The following PHACTR2 variants were observed in gnomAD, a reference collection of about 807,000 sequenced individuals.
PHACTR2 encodes the protein phosphatase and actin regulator 2.
In PHACTR2, 30 loss-of-function variants were observed where a neutral mutation model predicts 76.0. That is an observed-to-expected ratio of 0.39 (90% confidence interval 0.30 to 0.54). PHACTR2 has a LOEUF of 0.54. Among genes scored for constraint, PHACTR2 ranks in the 20% least tolerant of loss-of-function variants. The probability of loss-of-function intolerance (pLI) is 0.61; values close to 1 mark genes in which losing one functional copy is unlikely to be tolerated. For missense variants in PHACTR2, 696 were observed against 781.1 expected (o/e 0.89, Z 1.30); for synonymous variants, 292 against 292.5 (o/e 1.00, Z 0.02).
chr6:143,778,919 C>A (rs373922912), intron 9 of PHACTR2, among the ~76,000 whole-genome samples: 2 of 152,182 alleles, frequency 1.3e-5, no homozygotes, highest in African/African-American at 4.8e-5. Context: ...GCGTGTTGAT[C>A]TTAAGTGCTG....
chr6:143,711,028 G>GT (rs771938785), intron 1 of PHACTR2: 4 of 516,750 alleles, frequency 7.7e-6, no homozygotes, highest in Non-Finnish European at 1.2e-5. Flanking sequence ...TCAGTTTACG[G>GT]TTTTTTAAAG....
At position 143,562,381 on chromosome 6, in the gene PHACTR2, G is replaced by A. The variant is rs931802761; in HGVS notation, c.217+25174G>A. On this transcript the variant is annotated intron_variant, in intron 1 of 11. Coordinates refer to the PHACTR2 transcript ENST00000367584. This position sits in a 1 kb window ranked among gnomAD's most constrained non-coding sequence, Gnocchi z 5.1. ...GGCCCGTCACATGGCCAGAGCAGGA[G>A]CAAGACAGCCAGAGACTGGGTTGGA... Among the ~76,000 whole-genome samples the A allele has an allele frequency of 6.6e-6, 1 of 152,170 alleles. No homozygotes were observed. Among genetic ancestry groups the A allele is most frequent in the South Asian group, 2.1e-4 (1 of 4,834 alleles).
At position 143,777,811 on chromosome 6, in the gene PHACTR2, G is replaced by A. The variant is rs779659319; in HGVS notation, c.1645+428G>A. Among the ~76,000 whole-genome samples, 2 of 152,198 alleles carry A rather than the reference G, an allele frequency of 1.3e-5. No homozygotes were observed. The highest frequency in any genetic ancestry group is 1.9e-4 in the East Asian group (1 of 5,188). On this transcript the variant is annotated intron_variant, in intron 9 of 12. Transcript: ENST00000440869. This position sits in a 1 kb window ranked among gnomAD's most constrained non-coding sequence, Gnocchi z 4.6. ...CAGTTTGTTGCTAGTTTAACAAATG[G>A]CTCAATTCAAAACAAAATTTTCAAT...
rs547232883 is a variant in PHACTR2 at position 143,803,365 on chromosome 6, T to C, written c.1846-3692T>C. 6.0e-4 allele frequency among the ~76,000 whole-genome samples: 91 copies of C among 152,214 alleles called. 1 individual carries two copies. Among genetic ancestry groups the C allele is most frequent in the African/African-American group, 2.2e-3 (91 of 41,536 alleles). On this transcript the variant is annotated intron_variant, in intron 11 of 12. Coordinates refer to ENST00000440869, the MANE Select transcript of PHACTR2 (RefSeq NM_001100164.2). This position sits in a 1 kb window ranked among gnomAD's most constrained non-coding sequence, Gnocchi z 4.7. ...GAGTTTGAGACCAGCCTGGCCAACATTGCGAAATCCATCTCCACAAAAGAT... is the reference window on the plus strand; with the variant it reads ...GAGTTTGAGACCAGCCTGGCCAACACTGCGAAATCCATCTCCACAAAAGAT...
intron 1 of PHACTR2, among the ~76,000 whole-genome samples, chr6:143,545,504 C>T (rs1774973390): frequency 6.6e-6 from 1 of 152,178 alleles, no homozygotes; most frequent in Non-Finnish European, 1.5e-5. Context: ...CCCAATCCTG[C>T]ATTATTTCCC....
chr6:143,729,535 G>A (rs1469419026), intron 2 of PHACTR2, among the ~76,000 whole-genome samples: 1 of 152,056 alleles, frequency 6.6e-6, no homozygotes, highest in Non-Finnish European at 1.5e-5. Flanking sequence ...TTTGGGTCAA[G>A]GCTGGTTTTT....
chr6:143,783,532 T>G lies in PHACTR2; in HGVS notation c.1707+252T>G, dbSNP rs902589056. ...TACTCAGGAGGCTGAGGTGGGAAGATTGCTTCAGCCTGGGAGGCAGAGGTT... is the reference window on the plus strand; with the variant it reads ...TACTCAGGAGGCTGAGGTGGGAAGAGTGCTTCAGCCTGGGAGGCAGAGGTT... On this transcript the variant is annotated intron_variant, in intron 10 of 12. Transcript: ENST00000440869. The surrounding 1 kb of genome is among the most constrained non-coding windows in gnomAD (Gnocchi z 5.2). 6.6e-6 allele frequency among the ~76,000 whole-genome samples: 1 copy of G among 152,104 alleles called. No homozygotes were observed. Among genetic ancestry groups the G allele is most frequent in the East Asian group, 1.9e-4 (1 of 5,186 alleles).
In PHACTR2 at chr6:143,697,568, A is replaced by G. The variant is rs552051949; in HGVS notation, c.47-14448A>G. Among the ~76,000 whole-genome samples, 1 of 152,350 alleles carries G rather than the reference A, an allele frequency of 6.6e-6. No individual in the cohort carries two copies. The highest frequency in any genetic ancestry group is 1.5e-5 in the Non-Finnish European group (1 of 68,022). On this transcript the variant is annotated intron_variant, in intron 1 of 12. Coordinates refer to ENST00000440869, the MANE Select transcript of PHACTR2 (RefSeq NM_001100164.2). The surrounding 1 kb of genome is among the most constrained non-coding windows in gnomAD (Gnocchi z 4.4). ...TGTTTGCTTACCTGAAAACTGTGTC[A>G]GCAATGTCTGTACCATTCTTATGAG...
At chr6:143,740,334 G>T (rs2128467679) in intron 2 of PHACTR2, among the ~76,000 whole-genome samples, 1 of 152,126 alleles carries the variant, frequency 6.6e-6, no homozygotes, top group South Asian at 2.1e-4. Context: ...CCTGTATCTT[G>T]TGTTGACCTC....
intron 6 of PHACTR2, among the ~76,000 whole-genome samples, chr6:143,769,167 A>G (rs1438669098): frequency 6.6e-6 from 1 of 152,186 alleles, no homozygotes; most frequent in Non-Finnish European, 1.5e-5. Context: ...CTCTTCCCAT[A>G]TGGCAGGGTA....
chr6:143,823,482 A>G lies in PHACTR2; in HGVS notation c.1923-192A>G, dbSNP rs901016191. On this transcript the variant is annotated intron_variant, in intron 12 of 12. Transcript: ENST00000440869. This position sits in a 1 kb window ranked among gnomAD's most constrained non-coding sequence, Gnocchi z 5.7. ...TATATGTAAACATATATATAAGGAA[A>G]GCGTTTATATATGCTTTCCTTAATA... Among the ~76,000 whole-genome samples, 5 of 152,220 alleles carry G rather than the reference A, an allele frequency of 3.3e-5. No individual in the cohort carries two copies. Among genetic ancestry groups the G allele is most frequent in the Non-Finnish European group, 5.9e-5 (4 of 68,038 alleles).
rs1301952231 is a variant in PHACTR2, at chr6:143,708,490, C to A, written c.47-3526C>A. 1.3e-5 allele frequency among the ~76,000 whole-genome samples: 2 copies of A among 152,208 alleles called. No homozygotes were observed. Among genetic ancestry groups the A allele is most frequent in the Non-Finnish European group, 2.9e-5 (2 of 68,040 alleles). ...ACAATCAGGAAATTTTACCTTTCAT[C>A]TGGGATTTACCTGGCAGTTTGTTCT... On this transcript the variant is annotated intron_variant, in intron 1 of 12. Transcript: ENST00000440869. This position sits in a 1 kb window ranked among gnomAD's most constrained non-coding sequence, Gnocchi z 5.5.
At position 143,820,709 on chromosome 6, in the gene PHACTR2, AG is replaced by A. The variant is rs1398517193; in HGVS notation, c.1923-2963del. Among the ~76,000 whole-genome samples, 2 of 152,170 alleles carry A rather than the reference AG, an allele frequency of 1.3e-5. No individual in the cohort carries two copies. The highest frequency in any genetic ancestry group is 1.3e-4 in the Admixed American group (2 of 15,284). ...GTGGATCTACCATTCTGGGGTCTGG[AG>A]GACAGTGACTTCCTTTTCACAGTTC... On this transcript the variant is annotated intron_variant, in intron 12 of 12. Coordinates refer to ENST00000440869, the MANE Select transcript of PHACTR2 (RefSeq NM_001100164.2). The surrounding 1 kb of genome is among the most constrained non-coding windows in gnomAD (Gnocchi z 4.2).
At chr6:143,669,861 A>G (rs1027994513) in intron 1 of PHACTR2, among the ~76,000 whole-genome samples, 3 of 152,100 alleles carry the variant, frequency 2.0e-5, no homozygotes, top group Non-Finnish European at 4.4e-5. Flanking sequence ...TTTAAGGTTA[A>G]TATTGTTATG....
intron 11 of PHACTR2, among the ~76,000 whole-genome samples, chr6:143,797,620 T>C (rs1473553834): frequency 6.6e-6 from 1 of 152,188 alleles, no homozygotes; most frequent in Admixed American, 6.5e-5. Context: ...CAGTTCCAGT[T>C]TTCTGCATAT....
At chr6:143,693,427 G>A (rs558990150) in intron 1 of PHACTR2, among the ~76,000 whole-genome samples, 5 of 152,044 alleles carry the variant, frequency 3.3e-5, no homozygotes, top group Admixed American at 1.3e-4. Flanking sequence ...TAGTAGAGAC[G>A]GGGTTTCGCC....
Position 143,809,938 on chromosome 6 carries a change from C to T in PHACTR2, c.1922+2805C>T, listed in dbSNP as rs1407182426. On this transcript the variant is annotated intron_variant, in intron 12 of 12. Coordinates refer to ENST00000440869, the MANE Select transcript of PHACTR2 (RefSeq NM_001100164.2). The surrounding 1 kb of genome is among the most constrained non-coding windows in gnomAD (Gnocchi z 4.2). ...ACCAGCCTGGACAACATAGCAAACC[C>T]TGTCTCTACTAAAAATACAAAAATT... Among the ~76,000 whole-genome samples the T allele has an allele frequency of 6.6e-6, 1 of 151,972 alleles. No individual in the cohort carries two copies. Among genetic ancestry groups the T allele is most frequent in the Non-Finnish European group, 1.5e-5 (1 of 68,024 alleles).
Position 143,831,056 on chromosome 6 carries a change from T to G in PHACTR2, c.*7367T>G, listed in dbSNP as rs1776658839. 6.6e-6 allele frequency: 1 copy of G among 152,236 alleles called. No homozygotes were observed. The highest frequency in any genetic ancestry group is 2.4e-5 in the African/African-American group (1 of 41,462). The allele number at this position is 152,236 out of a possible 1,614,324, so 9.4% of individuals were successfully genotyped here. On this transcript the variant is annotated 3_prime_UTR_variant, in exon 13 of 13. Transcript: ENST00000440869. The surrounding 1 kb of genome is among the most constrained non-coding windows in gnomAD (Gnocchi z 5.2). ...CTCTTAAAAGAAACTTCCAGTATTT[T>G]TTTTAACTTGCTATCTTTTTATGTC...
chr6:143,566,003 T>TA (rs1286163242), intron 1 of PHACTR2, among the ~76,000 whole-genome samples: 1 of 152,124 alleles, frequency 6.6e-6, no homozygotes, highest in Non-Finnish European at 1.5e-5. Context: ...TGTGGGGGGT[T>TA]ATCCTTAGGT....
Sources: allele counts gnomAD v4.1 joint callset (sites outside exome capture counted in the v4.1 genomes callset), GRCh38; gene constraint gnomAD v4.1.1; non-coding constraint Gnocchi (gnomAD v3.1); transcripts MANE v1.5; gene names NCBI Gene and HGNC (gene_info 2026-07-23, HGNC 2026-07-21).